RERE: variants seen among roughly 807,000 people sequenced by gnomAD.
RERE encodes the protein arginine-glutamic acid dipeptide repeats.
RERE carries 40 observed loss-of-function variants against 146.1 expected under a neutral mutation model. The ratio of observed to expected loss-of-function variants is 0.27; its 90% CI spans 0.21 to 0.36. The LOEUF is 0.36. Ranked by LOEUF, RERE falls within the 10% of genes least tolerant of loss-of-function variation. RERE has a pLI of 1.00. For missense variants in RERE, 1,933 were observed against 2,138.7 expected, an observed-to-expected ratio of 0.90 and a Z score of 1.90; for synonymous variants, 1,003 against 866.0, an observed-to-expected ratio of 1.16 and a Z score of -2.78.
At chr1:8,597,860 C>G (rs557691203) in intron 4 of RERE, among the ~76,000 whole-genome samples, 1 of 152,148 alleles carries the variant, frequency 6.6e-6, no homozygotes, top group African/African-American at 2.4e-5. Flanking sequence ...ACTCAACCAA[C>G]TGCCTGGTAT....
chr1:8,678,599 T>G (rs1224983285), intron 1 of RERE, among the ~76,000 whole-genome samples: 1 of 150,290 alleles, frequency 6.7e-6, no homozygotes, highest in Non-Finnish European at 1.5e-5. Context: ...AGGCGGAGGT[T>G]GCAGGGAGGC....
At chr1:8,714,381 T>C (rs891246890) in intron 1 of RERE, among the ~76,000 whole-genome samples, 3 of 152,226 alleles carry the variant, frequency 2.0e-5, no homozygotes, top group South Asian at 2.1e-4. Flanking sequence ...CTCTGGCGTC[T>C]TTCCTGAAAA....
At chr1:8,501,812 G>A (rs1645163741) in intron 8 of RERE, among the ~76,000 whole-genome samples, 1 of 124,532 alleles carries the variant, frequency 8.0e-6, no homozygotes, top group Non-Finnish European at 1.8e-5. Context: ...GGTGAGGGGC[G>A]CCTCTGCCCG....
At chr1:8,702,098 A>G (rs12122493) in intron 1 of RERE, among the ~76,000 whole-genome samples, 1,822 of 152,236 alleles carry the variant, frequency 0.012, 17 homozygotes, top group South Asian at 0.026. Flanking sequence ...CAGAACTCAA[A>G]ACAGTAATTT....
intron 1 of RERE, among the ~76,000 whole-genome samples, chr1:8,796,076 A>G (rs1253342400): frequency 6.6e-6 from 1 of 152,094 alleles, no homozygotes; most frequent in Non-Finnish European, 1.5e-5. Context: ...GTTCTCTCCA[A>G]TGTAATCAAC....
At position 8,361,317 on chromosome 1, in the gene RERE, C is replaced by G; in HGVS notation, c.2190G>C (p.Gln730His). Residue 730 changes from glutamine (Q) to histidine (H), a missense_variant, in exon 18 of 23, where the codon CAG becomes CAC. Physicochemically the swap from Gln to His is conservative, Grantham distance 24. Coordinates refer to ENST00000400908, the MANE Select transcript of RERE (RefSeq NM_001042681.2). Reference sequence around the variant, plus strand: ...GGGGCTGGGCCTGCAGCATCTGCTGCTGGGCTGACGAGTCCGAGTCACTCT... The same window carrying G: ...GGGGCTGGGCCTGCAGCATCTGCTGGTGGGCTGACGAGTCCGAGTCACTCT... Reference protein sequence around the residue: ...DNESDSDSSAQQQMLQAQPPA... With the variant: ...DNESDSDSSAHQQMLQAQPPA... 1 of 1,611,676 alleles carries G rather than the reference C, an allele frequency of 6.2e-7. No individual in the cohort carries two copies. Among genetic ancestry groups the G allele is most frequent in the Non-Finnish European group, 8.5e-7 (1 of 1,178,702 alleles).
At chr1:8,370,406 G>A (rs1641992266) in intron 12 of RERE, among the ~76,000 whole-genome samples, 1 of 152,164 alleles carries the variant, frequency 6.6e-6, no homozygotes, top group Admixed American at 6.5e-5. Flanking sequence ...AGTTGAATGT[G>A]GTGTCACTGA....
At chr1:8,641,554 G>A (rs573309544) in intron 2 of RERE, among the ~76,000 whole-genome samples, 13 of 152,198 alleles carry the variant, frequency 8.5e-5, no homozygotes, top group South Asian at 2.1e-4. Flanking sequence ...ACAGTCCTCC[G>A]GACTGATTTT....
At chr1:8,703,273 G>C in intron 1 of RERE, 1 of 149,738 alleles carries the variant, frequency 6.7e-6, no homozygotes, top group South Asian at 2.1e-4. Context: ...TCCGGGAGGC[G>C]GTGGCCGCGC....
chr1:8,478,628 T>C (rs1163851055), intron 10 of RERE, among the ~76,000 whole-genome samples: 2 of 152,186 alleles, frequency 1.3e-5, no homozygotes, highest in African/African-American at 4.8e-5. Flanking sequence ...ACACAGGTTG[T>C]CAGAGTCCAG....
intron 4 of RERE, among the ~76,000 whole-genome samples, chr1:8,563,550 CAG>C (rs1646102988): frequency 6.6e-6 from 1 of 152,164 alleles, no homozygotes; most frequent in South Asian, 2.1e-4. Context: ...TCAAATGTGA[CAG>C]AGATATCAAG....
intron 1 of RERE, among the ~76,000 whole-genome samples, chr1:8,699,607 T>C (rs1639404091): frequency 6.6e-6 from 1 of 152,222 alleles, no homozygotes; most frequent in Non-Finnish European, 1.5e-5. Flanking sequence ...ATAACCTGTT[T>C]GAATTGGATG....
chr1:8,474,576 T>C (rs1314806808), intron 10 of RERE, among the ~76,000 whole-genome samples: 1 of 152,222 alleles, frequency 6.6e-6, no homozygotes, highest in East Asian at 1.9e-4. Flanking sequence ...CTGCGTGATG[T>C]TGCAAATAAA....
intron 7 of RERE, among the ~76,000 whole-genome samples, chr1:8,527,899 C>A (rs1250482940): frequency 1.3e-5 from 2 of 152,226 alleles, no homozygotes; most frequent in Admixed American, 1.3e-4. Context: ...CAGCTCCACT[C>A]TGAAGACACT....
chr1:8,580,446 C>T (rs1157197182), intron 4 of RERE, among the ~76,000 whole-genome samples: 1 of 152,192 alleles, frequency 6.6e-6, no homozygotes, highest in Admixed American at 6.5e-5. Context: ...AAAACACACA[C>T]AACTAAAATG....
chr1:8,783,672 G>A (rs1290415053), intron 1 of RERE, among the ~76,000 whole-genome samples: 1 of 152,132 alleles, frequency 6.6e-6, no homozygotes, highest in Non-Finnish European at 1.5e-5. Flanking sequence ...AAAAAAAGAA[G>A]AGAAAATGCA....
chr1:8,734,112 TTAAAA>T (rs548500737), intron 1 of RERE, among the ~76,000 whole-genome samples: 2 of 152,142 alleles, frequency 1.3e-5, no homozygotes, highest in African/African-American at 4.8e-5. Context: ...GTCTCAAAAA[TTAAAA>T]TAAAATAAAA....
chr1:8,418,376 C>T (rs1643835014), intron 12 of RERE, among the ~76,000 whole-genome samples: 1 of 152,214 alleles, frequency 6.6e-6, no homozygotes, highest in Non-Finnish European at 1.5e-5. Flanking sequence ...TCCCCTTTCA[C>T]CTTCCATCTC....
chr1:8,414,055 CA>C (rs71580026), intron 12 of RERE, among the ~76,000 whole-genome samples: 8,083 of 91,616 alleles, frequency 0.088, 261 homozygotes, highest in Middle Eastern at 0.14. Flanking sequence ...AACTCCATCT[CA>C]AAAAAAAAAA....
Sources: allele counts gnomAD v4.1 joint callset (sites outside exome capture counted in the v4.1 genomes callset), GRCh38; gene constraint gnomAD v4.1.1; transcripts MANE v1.5; gene names NCBI Gene and HGNC (gene_info 2026-07-23, HGNC 2026-07-21).